Variants in TMC7 observed in about 807,000 individuals in gnomAD.
TMC7 encodes transmembrane channel like 7, also known as transmembrane channel-like protein 7.
TMC7 carries 54 observed loss-of-function variants against 82.9 expected under a neutral mutation model. That is an observed-to-expected ratio of 0.65 (90% CI 0.52 to 0.82). The LOEUF is 0.82. Ranked by LOEUF, TMC7 falls within the 40% of genes least tolerant of loss-of-function variation. The probability of loss-of-function intolerance (pLI) is 0.00; values close to 1 mark genes in which losing one functional copy is unlikely to be tolerated. For missense variants in TMC7, 820 were observed against 901.2 expected (o/e 0.91, Z 1.15); for synonymous variants, 350 against 337.9 (o/e 1.04, Z -0.39).
intron 4 of TMC7, 136 bp downstream of exon 4, chr16:19,021,932 C>T: frequency 9.5e-7 from 1 of 1,051,056 alleles, no homozygotes; most frequent in Non-Finnish European, 1.3e-6. Context: ...GGTTATGCTG[C>T]AGAAACAAGT....
At position 19,051,730 on chromosome 16, in the gene TMC7, A is replaced by G. The variant is rs1961549817; in HGVS notation, c.1785A>G (p.Arg595=). The stretch of plus-strand genomic sequence containing the variant: ...GCAGACCCTCCCCCAGGCCGTTCAG[A>G]GCATCCAATTCTAATTTCTTCTTCC... ...YTCRPSPRPF[R]ASNSNFFFLL... is the part of the protein sequence containing the mutation. The change falls in exon 13 of 16, where the codon AGA becomes AGG. Residue 595 remains arginine (R), a synonymous_variant. Coordinates refer to ENST00000304381, the MANE Select transcript of TMC7 (RefSeq NM_024847.4). 1 of 1,613,868 alleles carries G rather than the reference A, an allele frequency of 6.2e-7. No homozygotes were observed. The highest frequency in any genetic ancestry group is 8.5e-7 in the Non-Finnish European group (1 of 1,180,002).
At chr16:19,028,436 GTTCTTC>G (rs749110170) in intron 5 of TMC7, among the ~76,000 whole-genome samples, 1 of 152,046 alleles carries the variant, frequency 6.6e-6, no homozygotes, top group African/African-American at 2.4e-5. Context: ...AGGCCTTACT[GTTCTTC>G]TTCTTCAAAG....
At chr16:19,054,740 C>CTTTTT (rs71143826) in intron 13 of TMC7, among the ~76,000 whole-genome samples, 4 of 63,142 alleles carry the variant, frequency 6.3e-5, no homozygotes, top group African/African-American at 1.2e-4. Flanking sequence ...ATGGGATTTG[C>CTTTTT]TTTTTTTTTT....
intron 1 of TMC7, among the ~76,000 whole-genome samples, chr16:19,007,895 C>G (rs2039270809): frequency 6.6e-6 from 1 of 151,894 alleles, no homozygotes; most frequent in Admixed American, 6.6e-5. Context: ...GAGTAGGGCA[C>G]TTGCCTTGTT....
intron 2 of TMC7, among the ~76,000 whole-genome samples, chr16:19,010,535 C>T (rs1020973248): frequency 2.0e-5 from 3 of 152,168 alleles, no homozygotes; most frequent in Admixed American, 6.6e-5. Context: ...CAGGCTCTTT[C>T]CATCTTGTGG....
chr16:19,057,728 G>A (rs982567662), intron 14 of TMC7, among the ~76,000 whole-genome samples: 6 of 152,204 alleles, frequency 3.9e-5, no homozygotes, highest in African/African-American at 1.4e-4. Context: ...TACTGTGGAC[G>A]TCACTGATTT....
chr16:19,007,332 A>C (rs2039258197), intron 1 of TMC7, among the ~76,000 whole-genome samples: 1 of 152,156 alleles, frequency 6.6e-6, no homozygotes, highest in Non-Finnish European at 1.5e-5. Flanking sequence ...GCAGAGCATT[A>C]CTTCCATTGA....
At chr16:19,054,856 T>A (rs1387458932) in intron 13 of TMC7, among the ~76,000 whole-genome samples, 1 of 148,538 alleles carries the variant, frequency 6.7e-6, no homozygotes, top group Non-Finnish European at 1.5e-5. Flanking sequence ...GCGATTCTCC[T>A]GTCTCATCCT....
chr16:19,025,149 G>T (rs1377247922), intron 5 of TMC7, among the ~76,000 whole-genome samples: 5 of 152,154 alleles, frequency 3.3e-5, no homozygotes, highest in African/African-American at 1.2e-4. Context: ...CCCACTAGAT[G>T]CCAGCAGCAC....
intron 7 of TMC7, among the ~76,000 whole-genome samples, chr16:19,037,047 T>C (rs1034888070): frequency 5.9e-5 from 9 of 152,136 alleles, no homozygotes; most frequent in Non-Finnish European, 1.0e-4. Flanking sequence ...CAAAGCCCAA[T>C]TGCAGTCTTA....
intron 1 of TMC7, among the ~76,000 whole-genome samples, chr16:19,006,100 C>T (rs981393010): frequency 1.3e-5 from 2 of 152,232 alleles, no homozygotes; most frequent in African/African-American, 4.8e-5. Context: ...GTGTGCCGAG[C>T]ACTGCCTGGG....
intron 13 of TMC7, among the ~76,000 whole-genome samples, 176 bp from the exon 14 acceptor site, chr16:19,056,366 G>T (rs1024905596): frequency 6.6e-6 from 1 of 152,060 alleles, no homozygotes; most frequent in African/African-American, 2.4e-5. Context: ...GATGACATTC[G>T]TGAGCCACCG....
At chr16:19,028,392 A>G (rs1199441536) in intron 5 of TMC7, among the ~76,000 whole-genome samples, 4 of 152,072 alleles carry the variant, frequency 2.6e-5, no homozygotes, top group African/African-American at 9.7e-5. Flanking sequence ...AAAAAAAAAG[A>G]AGGAGAAGAA....
rs4072393 is a variant in TMC7 at position 19,030,273 on chromosome 16, G to A, written c.761G>A (p.Gly254Glu). The A allele has an allele frequency of 0.61, 987,124 of 1,612,134 alleles. 309,918 individuals are homozygous for A. Among genetic ancestry groups the A allele is most frequent in the East Asian group, 0.79 (35,331 of 44,736 alleles). Residue 254 changes from glycine (G) to glutamate (E), a missense_variant, in exon 6 of 16, where the codon GGG (glycine) becomes GAG (glutamate). By Grantham distance (98) the Gly-to-Glu change is moderately conservative. Around this residue, in one of 2 missense-constraint regions of TMC7, gnomAD observed 650 missense variants for 669.9 expected, o/e 0.97. Coordinates refer to ENST00000304381, the MANE Select transcript of TMC7 (RefSeq NM_024847.4). ...SLFYGHYTIDGVKFQNFTYDL... is the reference protein window; with the variant it reads ...SLFYGHYTIDEVKFQNFTYDL... The stretch of plus-strand genomic sequence containing the variant: ...TTTTACGGACATTACACCATTGATG[G>A]GGTGAAATTTCAGAACTTCACCTAT...
chr16:19,051,133 C>A (rs1460451973), intron 12 of TMC7, among the ~76,000 whole-genome samples: 2 of 151,894 alleles, frequency 1.3e-5, no homozygotes, highest in Admixed American at 1.3e-4. Context: ...ATCCACATAC[C>A]TGTGTTTTGG....
At position 19,049,061 on chromosome 16, in the gene TMC7, C is replaced by CA. The variant is rs745576029; in HGVS notation, c.1740+1813dup. ...GAAATTTTTTTTTGAGACAGGGCCT[C>CA]ACTCCAAGTTGGAGTGCCGTGGCGT... On this transcript the variant is annotated intron_variant, in intron 12 of 15. Transcript: ENST00000304381. Among the ~76,000 whole-genome samples the CA allele has an allele frequency of 1.2e-3, 185 of 152,202 alleles. 1 individual carries two copies. Among genetic ancestry groups the CA allele is most frequent in the Non-Finnish European group, 1.7e-3 (114 of 68,016 alleles).
At chr16:19,030,822 C>A (rs11074353) in intron 6 of TMC7, among the ~76,000 whole-genome samples, 73,405 of 151,808 alleles carry the variant, frequency 0.48, 20,602 homozygotes, top group East Asian at 0.72. Flanking sequence ...ATCTGCCTAC[C>A]CTGGCCTCCC....
chr16:19,059,643 G>A (rs73528950), intron 15 of TMC7, 149 bp downstream of exon 15: 66,676 of 1,557,304 alleles, frequency 0.043, 2,166 homozygotes, highest in South Asian at 0.13. Context: ...GCCCAGCCGC[G>A]TCCAGCTTCA....
At position 18,993,732 on chromosome 16, in the gene TMC7, T is replaced by C. The variant is rs554058384; in HGVS notation, c.67+9602T>C. ...CCTTGCATAGTGAGGACATTCTTTC[T>C]GCCCATATAACAGCATGGTGGTGCA... On this transcript the variant is annotated intron_variant, in intron 1 of 15. Transcript: ENST00000304381. Among the ~76,000 whole-genome samples, 179 of 152,332 alleles carry C rather than the reference T, an allele frequency of 1.2e-3. 1 individual carries two copies. Among genetic ancestry groups the C allele is most frequent in the Non-Finnish European group, 1.6e-3 (108 of 68,036 alleles).
Sources: allele counts gnomAD v4.1 joint callset (sites outside exome capture counted in the v4.1 genomes callset), GRCh38; gene constraint gnomAD v4.1.1; regional missense constraint gnomAD v4.1.1; transcripts MANE v1.5; gene names NCBI Gene and HGNC (gene_info 2026-07-23, HGNC 2026-07-21).